NUCB2: variants seen among roughly 807,000 people sequenced by gnomAD.
NUCB2 encodes nucleobindin 2.
Under a neutral mutation model 57.9 loss-of-function variants are expected in NUCB2, and 48 were observed. The observed-to-expected ratio is 0.83, with a 90% CI of 0.66 to 1.05. NUCB2 has a LOEUF of 1.05. Ranked by LOEUF, NUCB2 falls within the 50% of genes least tolerant of loss-of-function variation. The pLI is 0.00. For synonymous variants in NUCB2, 139 were observed against 152.1 expected, an observed-to-expected ratio of 0.91 and a Z score of 0.64; for missense variants, 442 against 476.2, an observed-to-expected ratio of 0.93 and a Z score of 0.67.
chr11:17,331,612 A>G lies in NUCB2; in HGVS notation c.*193A>G. ...GGATTGAAGTTTATCAGAACCAGGA[A>G]GAAAACAAACTCACTGTCTGCTCTC... On this transcript the variant is annotated 3_prime_UTR_variant, in exon 14 of 14. Coordinates refer to ENST00000529010, the MANE Select transcript of NUCB2 (RefSeq NM_005013.4). The G allele has an allele frequency of 5.0e-6, 2 of 401,528 alleles. No homozygotes were observed. The highest frequency in any genetic ancestry group is 9.0e-6 in the Non-Finnish European group (2 of 222,270). 24.9% of individuals were successfully genotyped at this position (401,528 alleles called of 1,614,324 possible).
At chr11:17,343,933 T>C (rs943995598) in intron 2 of NUCB2, among the ~76,000 whole-genome samples, 3 of 152,230 alleles carry the variant, frequency 2.0e-5, no homozygotes, top group Non-Finnish European at 4.4e-5. Flanking sequence ...ATGTTCATAG[T>C]ATGTTTCATT....
intron 8 of NUCB2, 162 bp from the exon 9 acceptor site, chr11:17,311,710 T>A: frequency 1.9e-6 from 1 of 524,730 alleles, no homozygotes; most frequent in Non-Finnish European, 3.4e-6. Flanking sequence ...ATTTATCAGT[T>A]CAGCTGATCT....
chr11:17,288,952 T>C (rs531201), intron 2 of NUCB2, among the ~76,000 whole-genome samples: 6,828 of 32,494 alleles, frequency 0.21, 782 homozygotes, highest in Middle Eastern at 0.27. Flanking sequence ...CACACACACA[T>C]ATATATATAT....
Position 17,311,269 on chromosome 11 carries a change from T to C in NUCB2, c.746T>C (p.Phe249Ser). The part of the protein sequence containing the change: ...LDPNDFDPKT[F>S]FKLHDVNSDG... ...CCTAATGACTTTGACCCCAAGACAT[T>C]TTTCAAATTACATGGTAACGATTTG... The change falls in exon 8 of 14, where the codon TTT (phenylalanine) becomes TCT (serine). Residue 249 changes from phenylalanine to serine, a missense_variant. Coordinates refer to ENST00000529010, the MANE Select transcript of NUCB2 (RefSeq NM_005013.4). The C allele has an allele frequency of 6.2e-7, 1 of 1,603,410 alleles. No individual in the cohort carries two copies. Among genetic ancestry groups the C allele is most frequent in the Non-Finnish European group, 8.5e-7 (1 of 1,173,170 alleles).
chr11:17,326,859 A>C (rs1007557985), intron 11 of NUCB2, among the ~76,000 whole-genome samples: 1 of 152,178 alleles, frequency 6.6e-6, no homozygotes, highest in African/African-American at 2.4e-5. Context: ...TTCAGATTGA[A>C]GAACTACCTT....
At chr11:17,317,432 T>C (rs1949398346) in intron 11 of NUCB2, among the ~76,000 whole-genome samples, 1 of 152,224 alleles carries the variant, frequency 6.6e-6, no homozygotes, top group Non-Finnish European at 1.5e-5. Context: ...ATTTACCTTA[T>C]GTAATCATAG....
intron 2 of NUCB2, among the ~76,000 whole-genome samples, chr11:17,338,856 G>A (rs1312640717): frequency 6.6e-6 from 1 of 152,108 alleles, no homozygotes; most frequent in Non-Finnish European, 1.5e-5. Flanking sequence ...TAGAGATGGG[G>A]TTTCACCATG....
At chr11:17,277,635 G>A (rs996791885) in intron 1 of NUCB2, among the ~76,000 whole-genome samples, 1 of 152,188 alleles carries the variant, frequency 6.6e-6, no homozygotes, top group Non-Finnish European at 1.5e-5. Flanking sequence ...TTATGCAATT[G>A]AATAAGCTAG....
chr11:17,284,304 C>T (rs976401030), intron 2 of NUCB2, among the ~76,000 whole-genome samples: 1 of 152,176 alleles, frequency 6.6e-6, no homozygotes, highest in African/African-American at 2.4e-5. Context: ...AGGAGTGAGC[C>T]ACCGTGCCCA....
At chr11:17,287,845 C>T (rs536886676) in intron 2 of NUCB2, among the ~76,000 whole-genome samples, 1 of 151,686 alleles carries the variant, frequency 6.6e-6, no homozygotes, top group South Asian at 2.1e-4. Flanking sequence ...ACTAAAAATA[C>T]AAAAATTAGC....
rs34329500 is a variant in NUCB2 at position 17,298,081 on chromosome 11, CAAA to C, written c.252+1889_252+1891del. On this transcript the variant is annotated intron_variant, in intron 4 of 13. Transcript: ENST00000529010. Reference sequence around the variant, plus strand: ...TGGGCAACAGAGTGAGACTTCGTCTCAAAAAAAAAAAAAAAAAAAAAGGGGGGC... The same window carrying C: ...TGGGCAACAGAGTGAGACTTCGTCTCAAAAAAAAAAAAAAAAAAGGGGGGC... 5.8e-3 allele frequency among the ~76,000 whole-genome samples: 478 copies of C among 82,720 alleles called. 4 individuals carry two copies. Among genetic ancestry groups the C allele is most frequent in the African/African-American group, 0.02 (438 of 22,102 alleles). 54.3% of individuals were successfully genotyped at this position (82,720 alleles called of 152,430 possible).
intron 1 of NUCB2, among the ~76,000 whole-genome samples, chr11:17,278,130 T>G (rs948227822): frequency 2.0e-5 from 3 of 151,470 alleles, no homozygotes; most frequent in African/African-American, 7.3e-5. Flanking sequence ...TCTGTCTCCG[T>G]GTGTTTACTC....
chr11:17,312,059 A>G lies in NUCB2; in HGVS notation c.851A>G (p.Glu284Gly). 1 of 1,588,660 alleles carries G rather than the reference A, an allele frequency of 6.3e-7. No homozygotes were observed. Among genetic ancestry groups the G allele is most frequent in the Middle Eastern group, 1.7e-4 (1 of 5,944 alleles). Residue 284 changes from glutamate to glycine, a missense_variant, in exon 10 of 14, where the codon GAG becomes GGG. Physicochemically the swap from Glu to Gly is moderately conservative, Grantham distance 98. Transcript: ENST00000529010. ...AAAGTATATGACCCTAAAAATGAAG[A>G]GGATGATATGGTAGAAATGGAAGAA... Reference protein sequence around the residue: ...LEKVYDPKNEEDDMVEMEEER... With the variant: ...LEKVYDPKNEGDDMVEMEEER...
intron 2 of NUCB2, among the ~76,000 whole-genome samples, chr11:17,288,959 A>ATTTTTTTT (rs532223454): frequency 1.5e-5 from 1 of 66,928 alleles, no homozygotes; most frequent in African/African-American, 8.9e-5. Context: ...ACATATATAT[A>ATTTTTTTT]TATATTTTTT....
Position 17,331,547 on chromosome 11 carries a change from T to C in NUCB2, c.*128T>C, listed in dbSNP as rs1190996990. On this transcript the variant is annotated 3_prime_UTR_variant, in exon 14 of 14. Transcript: ENST00000529010. ...CATATTTGAAATAAAGGGAGATACTTTTTAAATGAAAACACTTTTTTTGGG... is the reference window on the plus strand; with the variant it reads ...CATATTTGAAATAAAGGGAGATACTCTTTAAATGAAAACACTTTTTTTGGG... 1 of 569,606 alleles carries C rather than the reference T, an allele frequency of 1.8e-6. No homozygotes were observed. The highest frequency in any genetic ancestry group is 2.8e-6 in the Non-Finnish European group (1 of 354,946). The allele number at this position is 569,606 out of a possible 1,614,324, so 35.3% of individuals were successfully genotyped here. A position where few individuals can be genotyped will look rare whatever the true frequency, so the allele number is the denominator to read the frequency against.
At chr11:17,336,249 G>A (rs910392217), downstream of NUCB2, among the ~76,000 whole-genome samples, 1 of 151,962 alleles carries the variant, frequency 6.6e-6, no homozygotes, top group Non-Finnish European at 1.5e-5. Context: ...AGCTTGCATT[G>A]TACTTTTATT....
intron 1 of NUCB2, among the ~76,000 whole-genome samples, chr11:17,282,135 C>T (rs1942702490): frequency 6.6e-6 from 1 of 150,912 alleles, no homozygotes; most frequent in African/African-American, 2.4e-5. Flanking sequence ...AATCTGAATT[C>T]CTCCTAGTTA....
rs1454544821 is a variant in NUCB2 at position 17,332,182 on chromosome 11, C to T, written c.*763C>T. The T allele has an allele frequency of 6.6e-6, 1 of 152,092 alleles. No homozygotes were observed. Among genetic ancestry groups the T allele is most frequent in the Non-Finnish European group, 1.5e-5 (1 of 68,048 alleles). The allele number at this position is 152,092 out of a possible 1,614,324, so 9.4% of individuals were successfully genotyped here. A position where few individuals can be genotyped will look rare whatever the true frequency, so the allele number is the denominator to read the frequency against. On this transcript the variant is annotated 3_prime_UTR_variant, in exon 14 of 14. Coordinates refer to ENST00000529010, the MANE Select transcript of NUCB2 (RefSeq NM_005013.4). The stretch of plus-strand genomic sequence containing the variant: ...CATGATTTTTATCCTCAGATTACCT[C>T]ACTCTCACTGTTCAAGTTTGCTCCT...
At chr11:17,304,979 T>A (rs1264245110) in intron 5 of NUCB2, among the ~76,000 whole-genome samples, 1 of 152,234 alleles carries the variant, frequency 6.6e-6, no homozygotes, top group Non-Finnish European at 1.5e-5. Flanking sequence ...AAATATATAC[T>A]TTTATTTTTC....
Sources: gnomAD v4.1 joint callset for allele counts (sites outside exome capture counted in the v4.1 genomes callset) on GRCh38, gnomAD v4.1.1 for gene constraint, MANE v1.5 for transcripts, NCBI Gene and HGNC (gene_info 2026-07-23, HGNC 2026-07-21) for gene names.